Variants in RACGAP1 observed in about 807,000 individuals in gnomAD.
RACGAP1 encodes the protein rac GTPase-activating protein 1.
In RACGAP1, 30 loss-of-function variants were observed where a neutral mutation model predicts 78.1. The ratio of observed to expected loss-of-function variants is 0.38; its 90% CI spans 0.29 to 0.52. The LOEUF (loss-of-function observed/expected upper bound fraction) is 0.52. RACGAP1 is among the 20% of genes least tolerant of loss of function. The pLI is 0.82. For synonymous variants in RACGAP1, 231 were observed against 264.8 expected (o/e 0.87, Z 1.24); for missense variants, 587 against 777.1 (o/e 0.76, Z 2.91).
intron 2 of RACGAP1, among the ~76,000 whole-genome samples, chr12:50,009,387 CTTTGA>C (rs1025216572): frequency 2.6e-5 from 4 of 151,760 alleles, no homozygotes; most frequent in Non-Finnish European, 5.9e-5. Flanking sequence ...TGAGGGTGAT[CTTTGA>C]TTTATTTAAA....
At chr12:50,026,773 G>A (rs1950275502), upstream of RACGAP1, among the ~76,000 whole-genome samples, 1 of 152,154 alleles carries the variant, frequency 6.6e-6, no homozygotes, top group African/African-American at 2.4e-5. Flanking sequence ...CTGCAAATAT[G>A]AACTCCTACA....
intron 1 of RACGAP1, chr12:50,019,723 T>TAAATAAATAAATAAAAAAAA (rs1397500389): frequency 1.3e-4 from 19 of 149,654 alleles, no homozygotes; most frequent in South Asian, 8.5e-4. Flanking sequence ...AATAAATAAA[T>TAAATAAATAAATAAAAAAAA]AAAAAGGTCC....
At chr12:50,007,533 C>G (rs554884038) in intron 2 of RACGAP1, among the ~76,000 whole-genome samples, 3 of 152,234 alleles carry the variant, frequency 2.0e-5, no homozygotes, top group Admixed American at 2.0e-4. Flanking sequence ...ACATCTGCTG[C>G]TGGTCAAACT....
chr12:49,990,615 G>T, intron 16 of RACGAP1, 69 bp downstream of exon 16: 1 of 1,276,314 alleles, frequency 7.8e-7, no homozygotes, highest in Non-Finnish European at 1.1e-6. Flanking sequence ...CTTTCAATAA[G>T]CTTCAATATA....
intron 1 of RACGAP1, among the ~76,000 whole-genome samples, chr12:50,020,083 A>G (rs1949921880): frequency 6.6e-6 from 1 of 152,220 alleles, no homozygotes; most frequent in Admixed American, 6.5e-5. Context: ...AAATAATACT[A>G]TACAATTAGA....
At position 50,006,533 on chromosome 12, in the gene RACGAP1, A is replaced by G. The variant is rs1344826598; in HGVS notation, c.189T>C (p.Thr63=). 5.0e-6 allele frequency: 8 copies of G among 1,614,116 alleles called. No homozygotes were observed. The African/African-American group carries it at 5.3e-5, about 11-fold the overall frequency. ...KYKDLLMKAE[T]ERSALDVKLK... ...GCTTAACATCCAGAGCACTTCGCTC[A>G]GTCTCTGCTTTCATCAAAAGATCCT... Residue 63 remains threonine, a synonymous_variant, in exon 3 of 17, where the codon ACT becomes ACC. Transcript: ENST00000312377.
chr12:50,007,137 A>C (rs769229855), intron 2 of RACGAP1, among the ~76,000 whole-genome samples: 2 of 152,218 alleles, frequency 1.3e-5, no homozygotes, highest in Non-Finnish European at 2.9e-5. Context: ...GTCTAGACCT[A>C]CAATTCCATT....
intron 5 of RACGAP1, among the ~76,000 whole-genome samples, chr12:50,003,634 T>C (rs1948813475): frequency 6.6e-6 from 1 of 152,342 alleles, no homozygotes; most frequent in South Asian, 2.1e-4. Context: ...AAAGACTGTA[T>C]CAGGAGATGA....
At chr12:49,994,655 A>C (rs1014273418) in intron 10 of RACGAP1, 146 bp from the exon 11 acceptor site, 93 of 1,312,766 alleles carry the variant, frequency 7.1e-5, no homozygotes, top group Non-Finnish European at 9.3e-5. Context: ...GCATATATTA[A>C]AACAGAGACT....
At chr12:50,005,551 A>T (rs1357069507) in intron 3 of RACGAP1, among the ~76,000 whole-genome samples, 159 bp from the exon 4 acceptor site, 2 of 152,162 alleles carry the variant, frequency 1.3e-5, no homozygotes, top group Non-Finnish European at 2.9e-5. Flanking sequence ...TTCACATCAA[A>T]CCCAGATTGT....
chr12:50,009,990 A>C (rs1165224338), intron 2 of RACGAP1, among the ~76,000 whole-genome samples: 2 of 152,236 alleles, frequency 1.3e-5, no homozygotes, highest in Non-Finnish European at 2.9e-5. Context: ...CTGTCTCTGA[A>C]ACTAAAATAC....
At position 49,991,996 on chromosome 12, in the gene RACGAP1, A is replaced by G. The variant is rs1947915529; in HGVS notation, c.1714+2T>C. The G allele has an allele frequency of 6.2e-7, 1 of 1,613,744 alleles. No individual in the cohort carries two copies. The highest frequency in any genetic ancestry group is 8.5e-7 in the Non-Finnish European group (1 of 1,179,976). On this transcript the variant is annotated splice_donor_variant, in intron 15 of 16. Transcript: ENST00000312377. LOFTEE classifies it high-confidence loss of function. ...CCTGAAGAAGCACATCTTGGGCCTT[A>G]CCTTTAATATCTGGTGTCTGTGGTG...
At chr12:50,001,376 C>G in intron 6 of RACGAP1, 124 bp from the exon 7 acceptor site, 1 of 617,542 alleles carries the variant, frequency 1.6e-6, no homozygotes, top group Admixed American at 2.9e-5. Flanking sequence ...AAATAACAAA[C>G]AATGTGTTCT....
chr12:50,005,200 A>C, intron 4 of RACGAP1, 56 bp downstream of exon 4: 1 of 1,598,776 alleles, frequency 6.3e-7, no homozygotes, highest in Middle Eastern at 2.1e-4. Flanking sequence ...GATAACAAGA[A>C]TATCTGACAG....
In RACGAP1 at chr12:49,991,457, TTATATATATA is replaced by T. The variant is rs59257280; in HGVS notation, c.1714+531_1714+540del. ...ATAAGAATGAATTATATTTAAACTATTATATATATATATATATATATATTTTTTTTTTTTT... is the reference window on the plus strand; with the variant it reads ...ATAAGAATGAATTATATTTAAACTATTATATATATATATTTTTTTTTTTTT... On this transcript the variant is annotated intron_variant, in intron 15 of 16. Transcript: ENST00000312377. Among the ~76,000 whole-genome samples, 70 of 27,412 alleles carry T rather than the reference TTATATATATA, an allele frequency of 2.6e-3. 2 individuals are homozygous for T. Among genetic ancestry groups the T allele is most frequent in the South Asian group, 5.5e-3 (3 of 548 alleles). The allele number at this position is 27,412 out of a possible 152,430, so 18.0% of individuals were successfully genotyped here.
chr12:50,024,224 A>C (rs1318305018), intron 1 of RACGAP1, among the ~76,000 whole-genome samples: 1 of 152,242 alleles, frequency 6.6e-6, no homozygotes, highest in African/African-American at 2.4e-5. Context: ...TCACAGCAGA[A>C]TTTACAGTAG....
intron 15 of RACGAP1, 62 bp from the exon 16 acceptor site, chr12:49,990,854 C>T (rs1592120587): frequency 7.5e-7 from 1 of 1,326,612 alleles, no homozygotes. Flanking sequence ...TTTTAGATGG[C>T]TAGTTTTAAG....
At chr12:50,019,060 C>T (rs1949847109) in intron 1 of RACGAP1, among the ~76,000 whole-genome samples, 1 of 152,232 alleles carries the variant, frequency 6.6e-6, no homozygotes, top group Middle Eastern at 3.4e-3. Context: ...TTTTGATTTC[C>T]CTATTTTTAT....
intron 1 of RACGAP1, among the ~76,000 whole-genome samples, chr12:50,020,672 C>T (rs1949960646): frequency 6.6e-6 from 1 of 152,142 alleles, no homozygotes; most frequent in Admixed American, 6.5e-5. Context: ...TGCAGACCTA[C>T]TCAGAGACCT....
Sources: allele counts gnomAD v4.1 joint callset (sites outside exome capture counted in the v4.1 genomes callset), GRCh38; gene constraint gnomAD v4.1.1; transcripts MANE v1.5; gene names NCBI Gene and HGNC (gene_info 2026-07-23, HGNC 2026-07-21).